TLE4: variants seen among roughly 807,000 people sequenced by gnomAD.
TLE4 encodes TLE family member 4, transcriptional corepressor, also known as transducin-like enhancer protein 4.
Under a neutral mutation model 92.8 loss-of-function variants are expected in TLE4, and 8 were observed. The ratio of observed to expected loss-of-function variants is 0.09; its 90% CI spans 0.05 to 0.16. The LOEUF is 0.16. TLE4 is among the 10% of genes least tolerant of loss of function. TLE4 has a pLI of 1.00. For missense variants in TLE4, 675 were observed against 997.6 expected, an observed-to-expected ratio of 0.68 and a Z score of 4.36; for synonymous variants, 371 against 374.1, an observed-to-expected ratio of 0.99 and a Z score of 0.10.
chr9:79,573,969 A>C, intron 2 of TLE4, 183 bp downstream of exon 2: 1 of 400,204 alleles, frequency 2.5e-6, no homozygotes, highest in Non-Finnish European at 4.4e-6. Flanking sequence ...AATAAATTAA[A>C]CATTTCTTCT....
At chr9:79,619,767 TAA>T (rs2050507653) in intron 5 of TLE4, among the ~76,000 whole-genome samples, 1 of 152,240 alleles carries the variant, frequency 6.6e-6, no homozygotes, top group Non-Finnish European at 1.5e-5. Context: ...CTAAAATGAA[TAA>T]TAGACATGGA....
At chr9:79,582,497 A>G (rs2039932026) in intron 4 of TLE4, among the ~76,000 whole-genome samples, 1 of 152,136 alleles carries the variant, frequency 6.6e-6, no homozygotes. Context: ...CACATTCTTC[A>G]TTTAATCTTT....
intron 8 of TLE4, among the ~76,000 whole-genome samples, chr9:79,673,882 G>A (rs1200636092): frequency 6.6e-6 from 1 of 152,100 alleles, no homozygotes; most frequent in African/African-American, 2.4e-5. Context: ...CTGGTCAGTT[G>A]ATTCCAGTCA....
At chr9:79,686,102 T>A (rs2065792356) in intron 8 of TLE4, among the ~76,000 whole-genome samples, 1 of 152,124 alleles carries the variant, frequency 6.6e-6, no homozygotes, top group Non-Finnish European at 1.5e-5. Context: ...TAGAGATGAT[T>A]TAAAATATAC....
Position 79,720,042 on chromosome 9 carries a change from A to G in TLE4, c.1591-4A>G, listed in dbSNP as rs771867102. The G allele has an allele frequency of 3.7e-6, 6 of 1,601,914 alleles. No homozygotes were observed. The highest frequency in any genetic ancestry group is 3.3e-5 in the South Asian group (3 of 90,668). On this transcript the variant is annotated splice_region_variant and splice_polypyrimidine_tract_variant and intron_variant, in intron 15 of 19. Transcript: ENST00000376552. The stretch of plus-strand genomic sequence containing the variant: ...TAATCTCTTGATGGTTTTTGTCTCT[A>G]CAGAACAGGGATAACTACATCCGTT...
intron 6 of TLE4, among the ~76,000 whole-genome samples, chr9:79,640,380 A>G (rs1359768600): frequency 1.3e-5 from 2 of 152,092 alleles, no homozygotes; most frequent in Admixed American, 6.6e-5. Context: ...CCACCATGAT[A>G]TTACTAGTTT....
At chr9:79,646,013 T>C (rs974030278) in intron 6 of TLE4, among the ~76,000 whole-genome samples, 5 of 152,130 alleles carry the variant, frequency 3.3e-5, no homozygotes, top group Non-Finnish European at 7.4e-5. Flanking sequence ...TTTAATACTC[T>C]AGTCTATGCC....
chr9:79,611,472 T>A (rs1407679281), intron 4 of TLE4, among the ~76,000 whole-genome samples: 1 of 152,082 alleles, frequency 6.6e-6, no homozygotes, highest in Non-Finnish European at 1.5e-5. Context: ...GAAGGGTTGC[T>A]GATGAAAGAA....
chr9:79,696,078 A>G (rs2068184899), intron 8 of TLE4, among the ~76,000 whole-genome samples: 2 of 152,212 alleles, frequency 1.3e-5, no homozygotes, highest in Admixed American at 6.5e-5. Flanking sequence ...AGCAGCAGCA[A>G]TGTGGCCAGT....
rs2076269704 is a variant in TLE4, at chr9:79,725,129, T to C, written c.2307T>C (p.Tyr769=). 6.2e-7 allele frequency: 1 copy of C among 1,613,326 alleles called. No homozygotes were observed. Among genetic ancestry groups the C allele is most frequent in the African/African-American group, 1.3e-5 (1 of 75,040 alleles). ...CTGGGGATAAGAAGGCCACAGTTTATGAAGTTATTTATTAAAGACAAATCT... is the reference window on the plus strand; with the variant it reads ...CTGGGGATAAGAAGGCCACAGTTTACGAAGTTATTTATTAAAGACAAATCT... ...TGSGDKKATV[Y]EVIY Residue 769 remains tyrosine (Y), a synonymous_variant, in exon 20 of 20, where the codon TAT becomes TAC. Transcript: ENST00000376552.
intron 8 of TLE4, among the ~76,000 whole-genome samples, chr9:79,655,412 C>G (rs933571809): frequency 1.3e-5 from 2 of 152,076 alleles, no homozygotes; most frequent in East Asian, 3.9e-4. Context: ...ACTTTGAATG[C>G]CTTTTTACTC....
intron 4 of TLE4, among the ~76,000 whole-genome samples, chr9:79,611,724 A>G (rs1349610619): frequency 6.6e-6 from 1 of 152,054 alleles, no homozygotes; most frequent in Non-Finnish European, 1.5e-5. Context: ...CTGTGTATTT[A>G]TACATCACAA....
At chr9:79,603,604 A>G (rs950955685) in intron 4 of TLE4, among the ~76,000 whole-genome samples, 2 of 152,190 alleles carry the variant, frequency 1.3e-5, no homozygotes, top group Non-Finnish European at 2.9e-5. Context: ...TAGTACACAC[A>G]TGTACTGGGA....
intron 8 of TLE4, among the ~76,000 whole-genome samples, chr9:79,674,863 G>A (rs532101314): frequency 6.6e-6 from 1 of 152,194 alleles, no homozygotes; most frequent in African/African-American, 2.4e-5. Context: ...TTCAGAATCT[G>A]CTATCTGATT....
At chr9:79,575,833 C>A in intron 3 of TLE4, 1 of 252,046 alleles carries the variant, frequency 4.0e-6, no homozygotes. Flanking sequence ...CCGTAGGATA[C>A]CAAATTTTCA....
rs569256534 is a variant in TLE4, at chr9:79,586,370, AAAAAG to A, written c.252+10203_252+10207del. On this transcript the variant is annotated intron_variant, in intron 4 of 19. Coordinates refer to ENST00000376552, the MANE Select transcript of TLE4 (RefSeq NM_007005.6). ...GAGCAAGACTCTGTCACAAAAAAAA[AAAAAG>A]AAAAGAAAATTGTGTGACTTCTGAA... is the stretch of plus-strand genomic sequence containing the variant. 1.2e-3 allele frequency among the ~76,000 whole-genome samples: 182 copies of A among 152,172 alleles called. 1 individual carries two copies. Among genetic ancestry groups the A allele is most frequent in the African/African-American group, 3.9e-3 (164 of 41,538 alleles).
At chr9:79,719,515 C>G (rs1380033436) in intron 15 of TLE4, among the ~76,000 whole-genome samples, 3 of 152,166 alleles carry the variant, frequency 2.0e-5, no homozygotes, top group African/African-American at 7.2e-5. Context: ...TAACTTAACA[C>G]TCCATGATCA....
At chr9:79,655,165 ATACATACATATG>A (rs1475852902) in intron 8 of TLE4, among the ~76,000 whole-genome samples, 1 of 152,074 alleles carries the variant, frequency 6.6e-6, no homozygotes, top group Non-Finnish European at 1.5e-5. Context: ...ACATACATAC[ATACATACATATG>A]TACACCATTG....
At chr9:79,664,459 T>C (rs145790976) in intron 8 of TLE4, among the ~76,000 whole-genome samples, 133 of 152,286 alleles carry the variant, frequency 8.7e-4, no homozygotes, top group African/African-American at 2.9e-3. Context: ...CCAAACCATA[T>C]TGGACTGTCA....
Sources: gnomAD v4.1 joint callset for allele counts (sites outside exome capture counted in the v4.1 genomes callset) on GRCh38, gnomAD v4.1.1 for gene constraint, MANE v1.5 for transcripts, NCBI Gene and HGNC (gene_info 2026-07-23, HGNC 2026-07-21) for gene names.